Variants in ZNF397 observed in about 807,000 individuals in gnomAD.
The protein encoded by ZNF397 is zinc finger protein 397.
Under a neutral mutation model 50.6 loss-of-function variants are expected in ZNF397, and 38 were observed. That is an observed-to-expected ratio of 0.75 (90% confidence interval 0.58 to 0.98). ZNF397 has a LOEUF of 0.98. Among genes scored for constraint, ZNF397 ranks in the 50% least tolerant of loss-of-function variants. The pLI is 0.00. For missense variants in ZNF397, 624 were observed against 624.1 expected, an observed-to-expected ratio of 1.00 and a Z score of 0.00; for synonymous variants, 228 against 215.2, an observed-to-expected ratio of 1.06 and a Z score of -0.52.
Position 35,245,526 on chromosome 18 carries a change from T to C in ZNF397, c.821T>C (p.Met274Thr). The change falls in exon 4 of 4, where the codon ATG becomes ACG. Residue 274 changes from methionine (M) to threonine (T), a missense_variant. Transcript: ENST00000330501. ...RCLILTTDSI[M>T]CQKVPPEERP... is the part of the protein sequence containing the mutation. ...TTGATTCTAACTACAGACTCTATAA[T>C]GTGTCAGAAAGTTCCTCCAGAAGAG... 1 of 1,552,404 alleles carries C rather than the reference T, an allele frequency of 6.4e-7. No individual in the cohort carries two copies. Among genetic ancestry groups the C allele is most frequent in the Non-Finnish European group, 8.7e-7 (1 of 1,147,156 alleles).
downstream of ZNF397, chr18:35,258,525 T>G (rs2043918323): frequency 6.4e-6 from 1 of 155,216 alleles, no homozygotes; most frequent in African/African-American, 2.4e-5. Context: ...TGGCAAGATA[T>G]CCAAACAGAC....
intron 5 of ZNF397, chr18:35,257,801 C>T: frequency 1.3e-6 from 1 of 756,906 alleles, no homozygotes. Context: ...GACAACTCTG[C>T]AGTGCAATTA....
At chr18:35,254,287 AG>A (rs2043710675), downstream of ZNF397, 2 of 1,614,014 alleles carry the variant, frequency 1.2e-6, no homozygotes, top group African/African-American at 1.3e-5. Context: ...GTGTTTCTCC[AG>A]GAAGTTTTCC....
At position 35,243,356 on chromosome 18, in the gene ZNF397, A is replaced by T. The variant is rs551361826; in HGVS notation, c.556+63A>T. The T allele has an allele frequency of 1.6e-5, 26 of 1,611,722 alleles. 3 individuals are homozygous for T. In the South Asian group the frequency reaches 2.9e-4, roughly 18 times the overall value. On this transcript the variant is annotated intron_variant, in intron 3 of 3. Coordinates refer to ENST00000330501, the MANE Select transcript of ZNF397 (RefSeq NM_001135178.3). Reference sequence around the variant, plus strand: ...TAGGCCTCTGTTTTTGAGAATGCAGAATTAATTGCACTTGACAAACTTGCC... The same window carrying T: ...TAGGCCTCTGTTTTTGAGAATGCAGTATTAATTGCACTTGACAAACTTGCC...
chr18:35,250,844 T>A (rs2043567611), downstream of ZNF397, among the ~76,000 whole-genome samples: 2 of 152,276 alleles, frequency 1.3e-5, no homozygotes, highest in South Asian at 4.1e-4. Flanking sequence ...CCCATTGTCT[T>A]CCAACAACAA....
intron 5 of ZNF397, among the ~76,000 whole-genome samples, chr18:35,256,082 A>T (rs192641015): frequency 2.2e-4 from 33 of 152,364 alleles, no homozygotes; most frequent in African/African-American, 7.9e-4. Context: ...GGATTTAAAT[A>T]CGTCTTCAAA....
At chr18:35,243,696 A>G (rs1395417805) in intron 3 of ZNF397, 1 of 380,416 alleles carries the variant, frequency 2.6e-6, no homozygotes, top group Non-Finnish European at 4.8e-6. Context: ...TTAGAGGATC[A>G]AGGAACACTT....
intron 3 of ZNF397, 23 bp downstream of exon 3, chr18:35,243,316 G>A (rs1315488679): frequency 3.1e-5 from 50 of 1,614,040 alleles, no homozygotes; most frequent in Non-Finnish European, 4.1e-5. Context: ...AAATCATCTG[G>A]AAACTCTTGA....
At chr18:35,254,320 G>C (rs750156104), downstream of ZNF397, 9 of 1,613,898 alleles carry the variant, frequency 5.6e-6, no homozygotes, top group East Asian at 2.0e-4. Flanking sequence ...TAGCTGCTGA[G>C]GCTACACATT....
Position 35,246,598 on chromosome 18 carries a change from A to G in ZNF397, c.*288A>G, listed in dbSNP as rs1344184372. 1.7e-6 allele frequency: 2 copies of G among 1,161,998 alleles called. No individual in the cohort carries two copies. Among genetic ancestry groups the G allele is most frequent in the Non-Finnish European group, 2.1e-6 (2 of 941,594 alleles). The allele number at this position is 1,161,998 out of a possible 1,614,324, so 72.0% of individuals were successfully genotyped here. A position where few individuals can be genotyped will look rare whatever the true frequency, so the allele number is the denominator to read the frequency against. On this transcript the variant is annotated 3_prime_UTR_variant, in exon 4 of 4. Transcript: ENST00000330501. ...ATGTAACATTGAAACCTCATTTTGTATGAAAGTGTCATGAATATAGCAACC... is the reference window on the plus strand; with the variant it reads ...ATGTAACATTGAAACCTCATTTTGTGTGAAAGTGTCATGAATATAGCAACC...
chr18:35,245,523 TA>T lies in ZNF397; in HGVS notation c.820del (p.Met274CysfsTer27). 1 of 1,552,408 alleles carries T rather than the reference TA, an allele frequency of 6.4e-7. No individual in the cohort carries two copies. Among genetic ancestry groups the T allele is most frequent in the Non-Finnish European group, 8.7e-7 (1 of 1,147,160 alleles). On this transcript the variant is annotated frameshift_variant, in exon 4 of 4. Coordinates refer to ENST00000330501, the MANE Select transcript of ZNF397 (RefSeq NM_001135178.3). LOFTEE classifies it high-confidence loss of function. Reference protein sequence around the residue: ...ERCLILTTDSIMCQKVPPEER... With the variant: ...ERCLILTTDSXMCQKVPPEER... ...TGCTTGATTCTAACTACAGACTCTA[TA>T]ATGTGTCAGAAAGTTCCTCCAGAAG...
Position 35,245,943 on chromosome 18 carries a change from T to A in ZNF397, c.1238T>A (p.Ile413Asn). The A allele has an allele frequency of 6.3e-7, 1 of 1,580,016 alleles. No individual in the cohort carries two copies. The highest frequency in any genetic ancestry group is 8.6e-7 in the Non-Finnish European group (1 of 1,162,734). Residue 413 changes from isoleucine to asparagine, a missense_variant, in exon 4 of 4, where the codon ATT (isoleucine) becomes AAT (asparagine). Coordinates refer to ENST00000330501, the MANE Select transcript of ZNF397 (RefSeq NM_001135178.3). ...ACCTTTAGCCAGAGCTCAAAACTCA[T>A]TAGACATCAGCGAATTCACACAGGA... The part of the protein sequence containing the change: ...GKTFSQSSKL[I>N]RHQRIHTGER...
In ZNF397 at chr18:35,246,045, A is replaced by T. The variant is rs1023601197; in HGVS notation, c.1340A>T (p.His447Leu). The change falls in exon 4 of 4, where the codon CAT becomes CTT. Residue 447 changes from histidine to leucine, a missense_variant. Coordinates refer to ENST00000330501, the MANE Select transcript of ZNF397 (RefSeq NM_001135178.3). ...SSELITHQRI[H>L]SGEKPYECSE... is the part of the protein sequence containing the mutation. ...GAGCTGATTACTCATCAGAGAATAC[A>T]TAGTGGAGAGAAACCCTATGAATGT... The T allele has an allele frequency of 6.4e-7, 1 of 1,564,622 alleles. No individual in the cohort carries two copies. The highest frequency in any genetic ancestry group is 1.2e-5 in the South Asian group (1 of 85,030).
chr18:35,257,643 T>C, intron 5 of ZNF397: 1 of 443,292 alleles, frequency 2.3e-6, no homozygotes, highest in Non-Finnish European at 4.0e-6. Flanking sequence ...CAGTTGATGG[T>C]ATTTTGTTAT....
At chr18:35,250,840 G>C (rs1165880630), downstream of ZNF397, among the ~76,000 whole-genome samples, 2 of 152,146 alleles carry the variant, frequency 1.3e-5, no homozygotes, top group Non-Finnish European at 2.9e-5. Context: ...CATTCCCATT[G>C]TCTTCCAACA....
chr18:35,242,965 T>A, intron 2 of ZNF397, 81 bp downstream of exon 2: 1 of 1,515,160 alleles, frequency 6.6e-7, no homozygotes, highest in Non-Finnish European at 8.8e-7. Flanking sequence ...AGGATAAAAA[T>A]TTTTATGTCT....
rs1196469954 is a variant in ZNF397, at chr18:35,242,578, T to C, written c.108T>C (p.Phe36=). The part of the protein sequence containing the change: ...VEDNFSWDEK[F]KQNGSTQSCQ... ...ATAACTTTTCCTGGGATGAGAAATT[T>C]AAGCAGAATGGGAGTACTCAATCCT... The change falls in exon 2 of 4, where the codon TTT becomes TTC. Residue 36 remains phenylalanine, a synonymous_variant. Transcript: ENST00000330501. 6.2e-7 allele frequency: 1 copy of C among 1,614,228 alleles called. No homozygotes were observed.
chr18:35,251,999 G>A (rs1338293619), downstream of ZNF397: 3 of 152,150 alleles, frequency 2.0e-5, no homozygotes, highest in Non-Finnish European at 4.4e-5. Context: ...ATAAAAATTA[G>A]CAGAGAGAGT....
At chr18:35,253,446 A>G, downstream of ZNF397, 10 of 1,552,870 alleles carry the variant, frequency 6.4e-6, no homozygotes, top group Non-Finnish European at 8.7e-6. Context: ...TCTTACCCAC[A>G]GAGTTAAACT....
Sources: allele counts gnomAD v4.1 joint callset (sites outside exome capture counted in the v4.1 genomes callset), GRCh38; gene constraint gnomAD v4.1.1; transcripts MANE v1.5; gene names NCBI Gene and HGNC (gene_info 2026-07-23, HGNC 2026-07-21).